The following CHID1 variants were observed in gnomAD, a reference collection of about 807,000 sequenced individuals.
CHID1 encodes the protein chitinase domain containing 1.
A neutral mutation model predicts 55.4 loss-of-function variants in CHID1; 44 were observed. The ratio of observed to expected loss-of-function variants is 0.79; its 90% CI spans 0.62 to 1.02. The LOEUF (loss-of-function observed/expected upper bound fraction) is 1.02, where lower values mean the gene tolerates loss of function less well. CHID1 is among the 50% of genes least tolerant of loss of function. The pLI is 0.00. For missense variants in CHID1, 491 were observed against 515.3 expected (o/e 0.95, Z 0.46); for synonymous variants, 216 against 212.9 (o/e 1.01, Z -0.13).
At chr11:908,754 T>C (rs1047633755) in intron 1 of CHID1, 4 of 243,336 alleles carry the variant, frequency 1.6e-5, no homozygotes, top group African/African-American at 9.3e-5. Context: ...CCAACCACTA[T>C]AGGGCTGGGT....
At chr11:902,417 T>C in intron 3 of CHID1, 87 bp from the exon 4 acceptor site, 1 of 1,490,766 alleles carries the variant, frequency 6.7e-7, no homozygotes, top group Non-Finnish European at 9.2e-7. Flanking sequence ...CCTCTGGACG[T>C]GCCCAGGGCT....
intron 10 of CHID1, among the ~76,000 whole-genome samples, chr11:874,380 T>C (rs1460936135): frequency 1.3e-5 from 2 of 151,854 alleles, no homozygotes; most frequent in South Asian, 2.1e-4. Context: ...GGAGAATCAC[T>C]TGAACCTGGG....
chr11:910,154 A>AGGCG (rs1172959797), intron 1 of CHID1, among the ~76,000 whole-genome samples: 2 of 151,750 alleles, frequency 1.3e-5, no homozygotes, highest in African/African-American at 4.8e-5. Context: ...CAGGAAGTCG[A>AGGCG]GGCGGACGGG....
intron 8 of CHID1, among the ~76,000 whole-genome samples, chr11:892,701 C>CACT (rs1850935937): frequency 6.6e-6 from 1 of 152,238 alleles, no homozygotes; most frequent in Non-Finnish European, 1.5e-5. Context: ...TCTGTCCCAG[C>CACT]ACTGCCTTGC....
intron 8 of CHID1, 31 bp downstream of exon 8, chr11:893,396 G>A (rs1022244358): frequency 1.3e-6 from 2 of 1,530,664 alleles, no homozygotes; most frequent in Admixed American, 2.0e-5. Context: ...GCCCTCCACA[G>A]CCACCCCCAC....
intron 10 of CHID1, among the ~76,000 whole-genome samples, chr11:880,065 C>T (rs891362707): frequency 1.3e-5 from 2 of 152,218 alleles, no homozygotes; most frequent in African/African-American, 4.8e-5. Flanking sequence ...GCGGCCGGGC[C>T]CCTCACTCTG....
At chr11:872,989 G>T (rs1849273054) in intron 10 of CHID1, among the ~76,000 whole-genome samples, 2 of 152,212 alleles carry the variant, frequency 1.3e-5, no homozygotes, top group South Asian at 4.1e-4. Context: ...GCGAGTGGGT[G>T]GTGACCACGC....
At position 891,436 on chromosome 11, in the gene CHID1, C is replaced by A. The variant is rs934370344; in HGVS notation, c.701+1991G>T. 2.6e-5 allele frequency among the ~76,000 whole-genome samples: 4 copies of A among 152,334 alleles called. No individual in the cohort carries two copies. In the South Asian group the frequency reaches 8.3e-4, roughly 32 times the overall value. ...GTTGCTGTGGGGTGAGGGGCAGGGA[C>A]CTGGCCCAGCTCCAACTGCCCACTT... On this transcript the variant is annotated intron_variant, in intron 8 of 12. Transcript: ENST00000323578.
chr11:871,628 C>T (rs1157558774), intron 10 of CHID1, among the ~76,000 whole-genome samples: 11 of 152,224 alleles, frequency 7.2e-5, no homozygotes, highest in Non-Finnish European at 1.2e-4. Context: ...GTGCCCCCCA[C>T]GTGCCTGGGG....
intron 10 of CHID1, among the ~76,000 whole-genome samples, chr11:879,837 T>A (rs1015300093): frequency 6.6e-6 from 1 of 152,184 alleles, no homozygotes; most frequent in African/African-American, 2.4e-5. Flanking sequence ...GCACAGGGGA[T>A]CCTGGGCTGG....
chr11:903,585 A>C (rs1412623963), intron 2 of CHID1: 1 of 214,702 alleles, frequency 4.7e-6, no homozygotes, highest in South Asian at 6.0e-5. Context: ...GTTGGAGACC[A>C]GCCTGGTCAA....
Position 886,180 on chromosome 11 carries a change from C to T in CHID1, c.702-2011G>A, listed in dbSNP as rs952997192. Among the ~76,000 whole-genome samples the T allele has an allele frequency of 2.2e-4, 29 of 133,628 alleles. 1 individual carries two copies. The highest frequency in any genetic ancestry group is 4.9e-3 in the Middle Eastern group (1 of 206). 87.7% of individuals were successfully genotyped at this position (133,628 alleles called of 152,430 possible). ...AAAGAAAAAAAAAAAGGAAAAATGG[C>T]GGGGTGTGATGGCTCACACCTGTAA... On this transcript the variant is annotated intron_variant, in intron 8 of 12. Transcript: ENST00000323578.
chr11:880,784 C>T (rs1009978591), intron 10 of CHID1, among the ~76,000 whole-genome samples: 3 of 152,208 alleles, frequency 2.0e-5, no homozygotes, highest in African/African-American at 4.8e-5. Flanking sequence ...CTCGTAAAGA[C>T]GACAGCCGAG....
chr11:886,398 G>A (rs976414474), intron 8 of CHID1, among the ~76,000 whole-genome samples: 8 of 147,278 alleles, frequency 5.4e-5, no homozygotes, highest in East Asian at 2.1e-4. Context: ...GGTGGAGGCT[G>A]CCGTGAGCCC....
intron 5 of CHID1, 97 bp from the exon 6 acceptor site, chr11:900,207 G>C: frequency 1.1e-6 from 1 of 897,256 alleles, no homozygotes; most frequent in Non-Finnish European, 1.8e-6. Context: ...TTGGCCTCCA[G>C]AGGGAAGTGA....
chr11:907,048 C>T (rs991864643), intron 1 of CHID1, among the ~76,000 whole-genome samples: 1 of 152,120 alleles, frequency 6.6e-6, no homozygotes, highest in African/African-American at 2.4e-5. Flanking sequence ...AGAAACAAAA[C>T]AAAAAATAAA....
chr11:878,991 T>C (rs1417890288), intron 10 of CHID1, among the ~76,000 whole-genome samples: 2 of 151,234 alleles, frequency 1.3e-5, no homozygotes, highest in South Asian at 4.2e-4. Flanking sequence ...GGACTACAGG[T>C]GCCCTCCACC....
In CHID1 at chr11:869,581, C is replaced by A; in HGVS notation, c.*277G>T. 1.8e-6 allele frequency: 1 copy of A among 556,112 alleles called. No individual in the cohort carries two copies. The highest frequency in any genetic ancestry group is 3.2e-6 in the Non-Finnish European group (1 of 310,158). 34.4% of individuals were successfully genotyped at this position (556,112 alleles called of 1,614,324 possible). A position where few individuals can be genotyped will look rare whatever the true frequency, so the allele number is the denominator to read the frequency against. On this transcript the variant is annotated 3_prime_UTR_variant, in exon 13 of 13. Transcript: ENST00000323578. ...CCTGAGCCAGGCTGTCCTGGTGGGG[C>A]AGGTACTGTGGGCCCCGCCTGCCCA...
At chr11:885,512 G>A (rs150725728) in intron 8 of CHID1, among the ~76,000 whole-genome samples, 2 of 152,058 alleles carry the variant, frequency 1.3e-5, no homozygotes, top group African/African-American at 2.4e-5. Flanking sequence ...CAGCCCCACC[G>A]CTCAGGCACG....
Sources: gnomAD v4.1 joint callset for allele counts (sites outside exome capture counted in the v4.1 genomes callset) on GRCh38, gnomAD v4.1.1 for gene constraint, MANE v1.5 for transcripts, NCBI Gene and HGNC (gene_info 2026-07-23, HGNC 2026-07-21) for gene names.